NKAIN2: variants seen among roughly 807,000 people sequenced by gnomAD.
NKAIN2 encodes the protein sodium/potassium transporting ATPase interacting 2.
A neutral mutation model predicts 32.6 loss-of-function variants in NKAIN2; 14 were observed. The observed-to-expected ratio is 0.43, with a 90% CI of 0.28 to 0.67. The LOEUF is 0.67. Among genes scored for constraint, NKAIN2 ranks in the 30% least tolerant of loss-of-function variants. The pLI is 0.17. For missense variants in NKAIN2, 198 were observed against 258.3 expected (o/e 0.77, Z 1.60); for synonymous variants, 80 against 87.2 (o/e 0.92, Z 0.46).
Position 124,443,204 on chromosome 6 carries a change from C to T in NKAIN2, c.273+87857C>T, listed in dbSNP as rs569532811. Among the ~76,000 whole-genome samples, 7 of 152,170 alleles carry T rather than the reference C, an allele frequency of 4.6e-5. No homozygotes were observed. In the South Asian group the frequency reaches 1.4e-3, roughly 32 times the overall value. On this transcript the variant is annotated intron_variant, in intron 3 of 6. Coordinates refer to ENST00000368417, the MANE Select transcript of NKAIN2 (RefSeq NM_001040214.3). Reference sequence around the variant, plus strand: ...AATTTTTATTGGGTTTTTCTCCTATCCTCCCACATGTGTCTTCTCAAGCCT... The same window carrying T: ...AATTTTTATTGGGTTTTTCTCCTATTCTCCCACATGTGTCTTCTCAAGCCT...
chr6:124,116,536 T>A (rs1785625894), intron 1 of NKAIN2, among the ~76,000 whole-genome samples: 1 of 152,142 alleles, frequency 6.6e-6, no homozygotes, highest in Admixed American at 6.6e-5. Flanking sequence ...GATTTTCTTA[T>A]GAAGGATCCT....
At chr6:124,486,595 A>C (rs1408001532) in intron 3 of NKAIN2, among the ~76,000 whole-genome samples, 1 of 152,188 alleles carries the variant, frequency 6.6e-6, no homozygotes, top group Non-Finnish European at 1.5e-5. Flanking sequence ...GTCCATTCTT[A>C]ATATTGTCTA....
At chr6:124,522,441 G>A (rs1779151563) in intron 3 of NKAIN2, among the ~76,000 whole-genome samples, 1 of 152,184 alleles carries the variant, frequency 6.6e-6, no homozygotes, top group Non-Finnish European at 1.5e-5. Context: ...ACGAGTAGAT[G>A]TATCAATAAT....
intron 1 of NKAIN2, chr6:123,829,239 A>G (rs952732975): frequency 6.6e-6 from 1 of 152,084 alleles, no homozygotes; most frequent in African/African-American, 2.4e-5. Context: ...TTTTTTTATT[A>G]TCACCGTTAC....
At chr6:123,834,867 A>G (rs180934354) in intron 1 of NKAIN2, among the ~76,000 whole-genome samples, 1 of 152,160 alleles carries the variant, frequency 6.6e-6, no homozygotes, top group Non-Finnish European at 1.5e-5. Flanking sequence ...AATGGACTAC[A>G]TGAGTTGGTA....
chr6:124,127,906 A>T lies in NKAIN2; in HGVS notation c.55-155099A>T, dbSNP rs567470928. Among the ~76,000 whole-genome samples, 39 of 151,734 alleles carry T rather than the reference A, an allele frequency of 2.6e-4. No homozygotes were observed. In the East Asian group the frequency reaches 7.2e-3, roughly 28 times the overall value. ...GCAGTGCGCGATCTTGGCTCACTGC[A>T]CCCTCCGTCTTCTTAGTTCAAGTGA... On this transcript the variant is annotated intron_variant, in intron 1 of 6. Transcript: ENST00000368417.
chr6:124,147,026 G>T (rs544603447), intron 1 of NKAIN2, among the ~76,000 whole-genome samples: 1 of 152,150 alleles, frequency 6.6e-6, no homozygotes, highest in African/African-American at 2.4e-5. Context: ...TCTGTTTTTT[G>T]AATGATGTAT....
chr6:124,783,885 G>T (rs1293352692), intron 4 of NKAIN2, among the ~76,000 whole-genome samples: 1 of 152,048 alleles, frequency 6.6e-6, no homozygotes, highest in African/African-American at 2.4e-5. Context: ...TGGGCTTAGA[G>T]CCTATGAATT....
intron 3 of NKAIN2, among the ~76,000 whole-genome samples, chr6:124,399,021 G>A (rs762580214): frequency 6.6e-6 from 1 of 152,060 alleles, no homozygotes; most frequent in Non-Finnish European, 1.5e-5. Context: ...CTGCCTCTCA[G>A]GTTCAAGTGA....
At chr6:124,329,881 TA>T (rs1463234052) in intron 2 of NKAIN2, among the ~76,000 whole-genome samples, 2 of 152,214 alleles carry the variant, frequency 1.3e-5, no homozygotes, top group Non-Finnish European at 1.5e-5. Flanking sequence ...ACAAACATTC[TA>T]TATGGCCTCA....
At chr6:124,329,035 C>T (rs1339654063) in intron 2 of NKAIN2, among the ~76,000 whole-genome samples, 1 of 152,258 alleles carries the variant, frequency 6.6e-6, no homozygotes, top group Admixed American at 6.5e-5. Flanking sequence ...AAACCACAGC[C>T]CCACTGCTGC....
intron 3 of NKAIN2, among the ~76,000 whole-genome samples, chr6:124,604,835 C>T (rs1782439279): frequency 6.6e-6 from 1 of 151,938 alleles, no homozygotes; most frequent in Non-Finnish European, 1.5e-5. Flanking sequence ...GCCTTACCAC[C>T]TGGCTTTGAC....
At chr6:123,818,258 A>T (rs1420036205) in intron 1 of NKAIN2, among the ~76,000 whole-genome samples, 1 of 152,068 alleles carries the variant, frequency 6.6e-6, no homozygotes, top group African/African-American at 2.4e-5. Context: ...TGAGTTTTTA[A>T]TTCAATAAAA....
intron 1 of NKAIN2, among the ~76,000 whole-genome samples, chr6:123,972,375 A>G (rs1389854891): frequency 6.6e-6 from 1 of 152,190 alleles, no homozygotes; most frequent in Non-Finnish European, 1.5e-5. Context: ...TTAGGTCATC[A>G]CAGAACTCAA....
intron 1 of NKAIN2, among the ~76,000 whole-genome samples, chr6:123,923,476 T>C (rs1354518134): frequency 6.6e-6 from 1 of 152,058 alleles, no homozygotes; most frequent in Non-Finnish European, 1.5e-5. Context: ...CATATCCTTA[T>C]ACATCTGACC....
intron 3 of NKAIN2, among the ~76,000 whole-genome samples, chr6:124,409,041 T>G (rs1277019530): frequency 1.3e-5 from 2 of 152,184 alleles, no homozygotes; most frequent in Non-Finnish European, 2.9e-5. Flanking sequence ...GCACATTCAT[T>G]TTGTATCCTG....
At chr6:123,987,565 A>T (rs1002910464) in intron 1 of NKAIN2, among the ~76,000 whole-genome samples, 1 of 152,148 alleles carries the variant, frequency 6.6e-6, no homozygotes, top group East Asian at 1.9e-4. Flanking sequence ...CTACATTATT[A>T]TCTGGAACTC....
At chr6:124,164,269 G>A (rs181988783) in intron 1 of NKAIN2, among the ~76,000 whole-genome samples, 46 of 151,960 alleles carry the variant, frequency 3.0e-4, no homozygotes, top group Admixed American at 2.0e-3. Flanking sequence ...ATATACCCAC[G>A]TTTCCCAAAC....
chr6:123,938,443 TATATATATAC>T (rs1465449088), intron 1 of NKAIN2, among the ~76,000 whole-genome samples: 5 of 39,336 alleles, frequency 1.3e-4, no homozygotes, highest in African/African-American at 6.7e-4. Flanking sequence ...TATATATATA[TATATATATAC>T]ACACACACAC....
Sources: allele counts gnomAD v4.1 joint callset (sites outside exome capture counted in the v4.1 genomes callset), GRCh38; gene constraint gnomAD v4.1.1; transcripts MANE v1.5; gene names NCBI Gene and HGNC (gene_info 2026-07-23, HGNC 2026-07-21).